PDE4B: variants seen among roughly 807,000 people sequenced by gnomAD.
PDE4B encodes the protein 3',5'-cyclic-AMP phosphodiesterase 4B.
PDE4B carries 20 observed loss-of-function variants against 82.2 expected under a neutral mutation model. That is an observed-to-expected ratio of 0.24 (90% CI 0.17 to 0.35). The LOEUF (loss-of-function observed/expected upper bound fraction) is 0.35, where lower values mean the gene tolerates loss of function less well. Among genes scored for constraint, PDE4B ranks in the 10% least tolerant of loss-of-function variants. PDE4B has a pLI of 1.00. For synonymous variants in PDE4B, 320 were observed against 318.9 expected, an observed-to-expected ratio of 1.00 and a Z score of -0.04; for missense variants, 655 against 907.2, an observed-to-expected ratio of 0.72 and a Z score of 3.57.
Position 65,999,296 on chromosome 1 carries a change from C to T in PDE4B, c.281+80461C>T, listed in dbSNP as rs115873121. 7.0e-3 allele frequency among the ~76,000 whole-genome samples: 1,068 copies of T among 152,280 alleles called. 5 individuals carry two copies. Among genetic ancestry groups the T allele is most frequent in the Non-Finnish European group, 0.011 (756 of 68,010 alleles). On this transcript the variant is annotated intron_variant, in intron 3 of 16. Transcript: ENST00000341517. ...TGCACTTGCAACATTATGCTAGAAG[C>T]ATTTAAGCGATTTCTTAGAAAAAAA...
chr1:66,056,917 A>G (rs1655334007), intron 3 of PDE4B, among the ~76,000 whole-genome samples: 1 of 152,226 alleles, frequency 6.6e-6, no homozygotes, highest in African/African-American at 2.4e-5. Flanking sequence ...CATAAATGTA[A>G]GAGAATACAT....
At chr1:66,140,703 AT>A (rs1646154265) in intron 3 of PDE4B, among the ~76,000 whole-genome samples, 1 of 152,202 alleles carries the variant, frequency 6.6e-6, no homozygotes, top group Non-Finnish European at 1.5e-5. Flanking sequence ...ATAAGAGGGT[AT>A]TATTTAACTT....
intron 7 of PDE4B, among the ~76,000 whole-genome samples, chr1:66,277,096 A>C (rs1172704126): frequency 6.6e-6 from 1 of 152,172 alleles, no homozygotes; most frequent in African/African-American, 2.4e-5. Context: ...TCTATAAATA[A>C]ATGACTTTAA....
intron 4 of PDE4B, among the ~76,000 whole-genome samples, chr1:66,250,594 T>G (rs902440805): frequency 1.3e-5 from 2 of 152,210 alleles, no homozygotes; most frequent in Admixed American, 6.5e-5. Context: ...AAGATCACCA[T>G]TGGGTCCCAA....
intron 8 of PDE4B, 141 bp from the exon 9 acceptor site, chr1:66,355,386 T>A (rs955835232): frequency 8.6e-6 from 4 of 466,980 alleles, no homozygotes; most frequent in Non-Finnish European, 1.2e-5. Flanking sequence ...TGAAGAGATA[T>A]ATTTTGTAGA....
chr1:66,065,499 T>G (rs966441641), intron 3 of PDE4B, among the ~76,000 whole-genome samples: 1 of 151,496 alleles, frequency 6.6e-6, no homozygotes, highest in African/African-American at 2.4e-5. Context: ...ATTACTGGAG[T>G]TTCAGTTGTC....
chr1:66,368,058 G>A lies in PDE4B; in HGVS notation c.1655G>A (p.Arg552His), dbSNP rs778940030. The change falls in exon 15 of 17, where the codon CGC becomes CAC. Residue 552 changes from arginine to histidine, a missense_variant. Around this residue, in one of 3 missense-constraint regions of PDE4B, gnomAD observed 283 missense variants for 516.4 expected, o/e 0.55. Coordinates refer to ENST00000341517, the MANE Select transcript of PDE4B (RefSeq NM_002600.4). ...GVLLLDNYTD[R>H]IQVLRNMVHC... ...CTTCTCCTAGACAACTATACCGATC[G>A]CATTCAGGTATTTGAGGAAAGTCTT... is the stretch of plus-strand genomic sequence containing the variant. 14 of 1,613,000 alleles carry A rather than the reference G, an allele frequency of 8.7e-6. No individual in the cohort carries two copies. The highest frequency in any genetic ancestry group is 1.7e-5 in the Admixed American group (1 of 59,866).
intron 3 of PDE4B, among the ~76,000 whole-genome samples, chr1:65,960,335 C>T (rs149612951): frequency 2.0e-5 from 3 of 151,922 alleles, no homozygotes; most frequent in Non-Finnish European, 2.9e-5. Flanking sequence ...CATTATCTGT[C>T]GGTGGTGGAT....
chr1:66,269,002 A>G (rs2101740764), intron 7 of PDE4B, among the ~76,000 whole-genome samples: 2 of 152,352 alleles, frequency 1.3e-5, no homozygotes, highest in South Asian at 2.1e-4. Flanking sequence ...ACATAGTAAG[A>G]ACACAGTAAG....
intron 3 of PDE4B, among the ~76,000 whole-genome samples, chr1:66,135,456 C>A (rs983013070): frequency 3.3e-5 from 5 of 152,058 alleles, no homozygotes; most frequent in African/African-American, 4.8e-5. Context: ...AGCACACTGG[C>A]AATAAGAATA....
chr1:66,139,472 A>G (rs57589715), intron 3 of PDE4B, among the ~76,000 whole-genome samples: 2,292 of 152,224 alleles, frequency 0.015, 50 homozygotes, highest in African/African-American at 0.053. Flanking sequence ...CTCTCCCTCC[A>G]GTAGGAGAAT....
chr1:65,914,592 A>C (rs1241675427), intron 2 of PDE4B, among the ~76,000 whole-genome samples: 1 of 146,566 alleles, frequency 6.8e-6, no homozygotes, highest in Non-Finnish European at 1.5e-5. Flanking sequence ...AATTTAGAAA[A>C]CTTTTTTTCT....
At chr1:66,247,869 A>G (rs1356094834) in intron 4 of PDE4B, among the ~76,000 whole-genome samples, 1 of 152,228 alleles carries the variant, frequency 6.6e-6, no homozygotes, top group Non-Finnish European at 1.5e-5. Flanking sequence ...TGGAAAACCT[A>G]GACACAGTGT....
chr1:66,203,803 T>G (rs920615105), intron 3 of PDE4B, among the ~76,000 whole-genome samples: 26 of 152,186 alleles, frequency 1.7e-4, no homozygotes, highest in African/African-American at 6.3e-4. Context: ...ATTTCCTCCT[T>G]TAGCTTGGAG....
chr1:66,276,294 G>A (rs1655877247), intron 7 of PDE4B, among the ~76,000 whole-genome samples: 1 of 152,182 alleles, frequency 6.6e-6, no homozygotes, highest in African/African-American at 2.4e-5. Flanking sequence ...GGAAAAAGAA[G>A]ATTCAGGAAG....
chr1:66,251,502 A>G (rs915247217), intron 4 of PDE4B, among the ~76,000 whole-genome samples: 2 of 152,192 alleles, frequency 1.3e-5, no homozygotes, highest in Admixed American at 6.5e-5. Context: ...ATGTAAATTT[A>G]GGAACTTTGT....
At chr1:66,018,896 GTAC>G (rs34872803) in intron 3 of PDE4B, among the ~76,000 whole-genome samples, 15,790 of 152,132 alleles carry the variant, frequency 0.1, 938 homozygotes, top group Admixed American at 0.18. Flanking sequence ...TGAGGATAAA[GTAC>G]TACAAGATAT....
chr1:66,288,305 C>T (rs1464572573), intron 7 of PDE4B, among the ~76,000 whole-genome samples: 1 of 152,052 alleles, frequency 6.6e-6, no homozygotes, highest in Non-Finnish European at 1.5e-5. Context: ...GGTGCTAAAC[C>T]ATTGATGAGA....
At chr1:65,884,531 A>C (rs1418753892) in intron 1 of PDE4B, among the ~76,000 whole-genome samples, 1 of 152,184 alleles carries the variant, frequency 6.6e-6, no homozygotes, top group Non-Finnish European at 1.5e-5. Context: ...AATGGAACAG[A>C]ACAGAGCCCT....
Sources: gnomAD v4.1 joint callset for allele counts (sites outside exome capture counted in the v4.1 genomes callset) on GRCh38, gnomAD v4.1.1 for gene constraint, gnomAD v4.1.1 regional missense constraint, MANE v1.5 for transcripts, NCBI Gene and HGNC (gene_info 2026-07-23, HGNC 2026-07-21) for gene names.